Variants in NLRP4 observed in about 807,000 individuals in gnomAD.
NLRP4 encodes NLR family pyrin domain containing 4.
NLRP4 carries 44 observed loss-of-function variants against 84.7 expected under a neutral mutation model. That is an observed-to-expected ratio of 0.52 (90% CI 0.41 to 0.67). The LOEUF (loss-of-function observed/expected upper bound fraction) is 0.67, where lower values mean the gene tolerates loss of function less well. Among genes scored for constraint, NLRP4 ranks in the 30% least tolerant of loss-of-function variants. The probability of loss-of-function intolerance (pLI) is 0.00; values close to 1 mark genes in which losing one functional copy is unlikely to be tolerated. For synonymous variants in NLRP4, 544 were observed against 476.4 expected, an observed-to-expected ratio of 1.14 and a Z score of -1.85; for missense variants, 1,260 against 1,219.4, an observed-to-expected ratio of 1.03 and a Z score of -0.50.
chr19:55,840,766 A>G (rs1242058538), intron 1 of NLRP4, among the ~76,000 whole-genome samples: 1 of 152,102 alleles, frequency 6.6e-6, no homozygotes, highest in African/African-American at 2.4e-5. Flanking sequence ...TCTTCCTGGT[A>G]ATTTGAGCCC....
chr19:55,840,549 A>T (rs916320566), intron 1 of NLRP4, among the ~76,000 whole-genome samples: 2 of 151,856 alleles, frequency 1.3e-5, no homozygotes, highest in African/African-American at 4.8e-5. Context: ...ACGCCCAGCT[A>T]ATTTATTATT....
intron 7 of NLRP4, among the ~76,000 whole-genome samples, chr19:55,876,535 T>C (rs1180982824): frequency 2.0e-5 from 3 of 151,726 alleles, no homozygotes; most frequent in African/African-American, 7.3e-5. Flanking sequence ...TTTTTTGTGT[T>C]TTTTTTAGTA....
At chr19:55,846,876 A>G (rs1293580456) in intron 1 of NLRP4, among the ~76,000 whole-genome samples, 3 of 152,170 alleles carry the variant, frequency 2.0e-5, no homozygotes, top group African/African-American at 7.2e-5. Flanking sequence ...CCTTTCCATC[A>G]TCATATTCTC....
chr19:55,847,504 A>G (rs2123003340), intron 1 of NLRP4, among the ~76,000 whole-genome samples: 1 of 152,200 alleles, frequency 6.6e-6, no homozygotes, highest in African/African-American at 2.4e-5. Flanking sequence ...TATTTGCCCT[A>G]TGTTTTTAGT....
intron 1 of NLRP4, among the ~76,000 whole-genome samples, chr19:55,845,083 T>A (rs1406044255): frequency 1.3e-5 from 2 of 151,802 alleles, no homozygotes; most frequent in East Asian, 1.9e-4. Flanking sequence ...CGTGCAGGTT[T>A]GTTACATATG....
At position 55,875,840 on chromosome 19, in the gene NLRP4, C is replaced by T. The variant is rs1327411143; in HGVS notation, c.2526-1156C>T. On this transcript the variant is annotated intron_variant, in intron 7 of 9. Transcript: ENST00000301295. ...GGTCAGGAGTTCAAGACCAGCTTGACCAACATAGTGAAACCCCGTCTCTAC... is the reference window on the plus strand; with the variant it reads ...GGTCAGGAGTTCAAGACCAGCTTGATCAACATAGTGAAACCCCGTCTCTAC... Among the ~76,000 whole-genome samples, 5 of 150,940 alleles carry T rather than the reference C, an allele frequency of 3.3e-5. No homozygotes were observed. The East Asian group carries it at 9.8e-4, about 29-fold the overall frequency.
chr19:55,847,157 G>GT (rs1411219555), intron 1 of NLRP4, among the ~76,000 whole-genome samples: 3 of 151,970 alleles, frequency 2.0e-5, no homozygotes, highest in African/African-American at 7.3e-5. Flanking sequence ...TTATTTGAGG[G>GT]GGGGGCAGCA....
At chr19:55,859,879 A>T (rs1297152171) in intron 3 of NLRP4, among the ~76,000 whole-genome samples, 1 of 124,664 alleles carries the variant, frequency 8.0e-6, no homozygotes, top group East Asian at 2.9e-4. Flanking sequence ...GTGAGCTGAG[A>T]TCGCACCACT....
Position 55,858,765 on chromosome 19 carries a change from T to A in NLRP4, c.1372T>A (p.Phe458Ile), listed in dbSNP as rs760278640. 5.0e-6 allele frequency: 8 copies of A among 1,614,094 alleles called. No individual in the cohort carries two copies. In the South Asian group the frequency reaches 8.8e-5, roughly 18 times the overall value. ...YVFLHVCIQE[F>I]CAALFYLLKS... ...GTTCCTCCACGTGTGTATCCAGGAG[T>A]TCTGTGCCGCCTTGTTCTATTTGCT... Residue 458 changes from phenylalanine (F) to isoleucine (I), a missense_variant, in exon 3 of 10, where the codon TTC becomes ATC. By Grantham distance (21) the Phe-to-Ile change is conservative. Around this residue, in one of 3 missense-constraint regions of NLRP4, gnomAD observed 712 missense variants for 669.2 expected, o/e 1.06. Coordinates refer to ENST00000301295, the MANE Select transcript of NLRP4 (RefSeq NM_134444.5). This position sits in a 1 kb window ranked among gnomAD's most constrained non-coding sequence, Gnocchi z 4.2.
In NLRP4 at chr19:55,858,558, A is replaced by G; in HGVS notation, c.1165A>G (p.Thr389Ala). 1 of 1,613,790 alleles carries G rather than the reference A, an allele frequency of 6.2e-7. No homozygotes were observed. Among genetic ancestry groups the G allele is most frequent in the Non-Finnish European group, 8.5e-7 (1 of 1,179,970 alleles). Reference protein sequence around the residue: ...LFTPEGAEGPTPQTQHQLKAL... With the variant: ...LFTPEGAEGPAPQTQHQLKAL... ...CACACCTGAGGGTGCCGAGGGCCCG[A>G]CTCCGCAAACCCAGCACCAGCTGAA... Residue 389 changes from threonine (T) to alanine (A), a missense_variant, in exon 3 of 10, where the codon ACT becomes GCT. Around this residue, in one of 3 missense-constraint regions of NLRP4, gnomAD observed 712 missense variants for 669.2 expected, o/e 1.06. Coordinates refer to ENST00000301295, the MANE Select transcript of NLRP4 (RefSeq NM_134444.5). The surrounding 1 kb of genome is among the most constrained non-coding windows in gnomAD (Gnocchi z 4.2).
chr19:55,856,728 A>T (rs11882339), intron 2 of NLRP4, among the ~76,000 whole-genome samples: 4 of 151,732 alleles, frequency 2.6e-5, no homozygotes, highest in Admixed American at 6.6e-5. Flanking sequence ...GTTGGCCAGG[A>T]TGGTCTTGAT....
rs1213486187 is a variant in NLRP4, at chr19:55,861,672, C to T, written c.2018+125C>T. On this transcript the variant is annotated intron_variant, in intron 4 of 9. Transcript: ENST00000301295. ...AACATCCAGAGCAGTTGCTCAACCT[C>T]AGCACTTACAGACATCTCATGCAGA... is the stretch of plus-strand genomic sequence containing the variant. The T allele has an allele frequency of 1.1e-5, 9 of 838,992 alleles. No homozygotes were observed. The East Asian group carries it at 1.2e-4, about 12-fold the overall frequency. The allele number at this position is 838,992 out of a possible 1,614,324, so 52.0% of individuals were successfully genotyped here. A position where few individuals can be genotyped will look rare whatever the true frequency, so the allele number is the denominator to read the frequency against.
intron 5 of NLRP4, among the ~76,000 whole-genome samples, chr19:55,867,076 G>A (rs931725126): frequency 2.7e-5 from 4 of 150,832 alleles, no homozygotes; most frequent in Non-Finnish European, 4.4e-5. Flanking sequence ...CAGGTTGGCT[G>A]TCTCTGTACC....
intron 1 of NLRP4, among the ~76,000 whole-genome samples, chr19:55,838,082 G>T (rs1395130141): frequency 6.8e-6 from 1 of 147,724 alleles, no homozygotes; most frequent in Non-Finnish European, 1.5e-5. Flanking sequence ...ACTTTGGGAG[G>T]CCGAGGCGGG....
At chr19:55,869,091 C>G (rs181245109) in intron 6 of NLRP4, among the ~76,000 whole-genome samples, 66 of 152,230 alleles carry the variant, frequency 4.3e-4, no homozygotes, top group Admixed American at 1.4e-3. Flanking sequence ...AGAATTGTCC[C>G]AGGTAACTAT....
intron 1 of NLRP4, among the ~76,000 whole-genome samples, chr19:55,841,979 G>T (rs1983629734): frequency 6.6e-6 from 1 of 152,150 alleles, no homozygotes; most frequent in African/African-American, 2.4e-5. Flanking sequence ...TATATGGTAG[G>T]TTCTATTCTT....
At position 55,836,603 on chromosome 19, in the gene NLRP4, G is replaced by C. The variant is rs45557041; in HGVS notation, c.-397G>C. On this transcript the variant is annotated 5_prime_UTR_variant, in exon 1 of 10. An upstream start codon of the reference 5' UTR is lost. Transcript: ENST00000301295. The stretch of plus-strand genomic sequence containing the variant: ...GTGCTGGGCTGTTCGTCTCTTCTAT[G>C]TGCTGATTTCCTGGGTTACTTTGGG... 34,327 of 152,484 alleles carry C rather than the reference G, an allele frequency of 0.23. 4,951 individuals carry two copies. Among genetic ancestry groups the C allele is most frequent in the African/African-American group, 0.41 (17,003 of 41,442 alleles). 9.4% of individuals were successfully genotyped at this position (152,484 alleles called of 1,614,324 possible).
At chr19:55,873,887 G>A (rs4801637) in intron 7 of NLRP4, among the ~76,000 whole-genome samples, 29,505 of 151,826 alleles carry the variant, frequency 0.19, 3,145 homozygotes, top group East Asian at 0.26. Context: ...AAATGAAAAA[G>A]GAATATACTT....
At position 55,861,422 on chromosome 19, in the gene NLRP4, C is replaced by T. The variant is rs765184976; in HGVS notation, c.1893C>T (p.Cys631=). 61 of 1,614,166 alleles carry T rather than the reference C, an allele frequency of 3.8e-5. No homozygotes were observed. The highest frequency in any genetic ancestry group is 1.6e-4 in the Middle Eastern group (1 of 6,062). ...DYSLICWHHI[C]SVLTTSGHLR... ...GCCTCATCTGTTGGCATCACATCTGCTCTGTGCTCACCACCAGCGGGCACC... is the reference window on the plus strand; with the variant it reads ...GCCTCATCTGTTGGCATCACATCTGTTCTGTGCTCACCACCAGCGGGCACC... The change falls in exon 4 of 10, where the codon TGC becomes TGT. Residue 631 remains cysteine, a synonymous_variant. Transcript: ENST00000301295.
Sources: gnomAD v4.1 joint callset for allele counts (sites outside exome capture counted in the v4.1 genomes callset) on GRCh38, gnomAD v4.1.1 for gene constraint, gnomAD v4.1.1 regional missense constraint, Gnocchi (gnomAD v3.1) non-coding constraint, MANE v1.5 for transcripts, NCBI Gene and HGNC (gene_info 2026-07-23, HGNC 2026-07-21) for gene names.